The following RBFOX1 variants were observed in gnomAD, a reference collection of about 807,000 sequenced individuals.
RBFOX1 encodes the protein RNA binding protein fox-1 homolog 1.
Under a neutral mutation model 57.7 loss-of-function variants are expected in RBFOX1, and 8 were observed. The ratio of observed to expected loss-of-function variants is 0.14; its 90% CI spans 0.08 to 0.25. RBFOX1 has a LOEUF of 0.25. Ranked by LOEUF, RBFOX1 falls within the 10% of genes least tolerant of loss-of-function variation. The pLI is 1.00. For missense variants in RBFOX1, 611 were observed against 548.5 expected (o/e 1.11, Z -1.14); for synonymous variants, 326 against 222.4 (o/e 1.47, Z -4.15).
At chr16:7,651,235 G>C (rs2064995645) in intron 11 of RBFOX1, among the ~76,000 whole-genome samples, 1 of 152,182 alleles carries the variant, frequency 6.6e-6, no homozygotes, top group South Asian at 2.1e-4. Flanking sequence ...CAGAATTCCA[G>C]ATAATAGCCA....
chr16:7,104,761 T>C (rs1430325812), intron 4 of RBFOX1, among the ~76,000 whole-genome samples: 2 of 152,160 alleles, frequency 1.3e-5, no homozygotes, highest in African/African-American at 2.4e-5. Context: ...TCATCCTTTC[T>C]TGAGTATTGC....
intron 2 of RBFOX1, among the ~76,000 whole-genome samples, chr16:6,579,024 T>A (rs552947005): frequency 3.3e-5 from 5 of 152,202 alleles, no homozygotes; most frequent in African/African-American, 1.2e-4. Flanking sequence ...ACCACCTGTT[T>A]TCCCAAAACC....
chr16:6,929,653 A>T (rs924161818), intron 3 of RBFOX1, among the ~76,000 whole-genome samples: 3 of 152,174 alleles, frequency 2.0e-5, no homozygotes, highest in Admixed American at 6.5e-5. Flanking sequence ...GGATTCTCAG[A>T]GTTATATCCA....
chr16:5,897,595 C>G (rs777502125), intron 4 of RBFOX1, among the ~76,000 whole-genome samples: 81 of 152,124 alleles, frequency 5.3e-4, no homozygotes, highest in Admixed American at 1.1e-3. Flanking sequence ...TCTGTGTTAG[C>G]AGGATGTGGT....
intron 4 of RBFOX1, among the ~76,000 whole-genome samples, chr16:7,480,326 T>A (rs143750217): frequency 1.3e-5 from 2 of 152,220 alleles, no homozygotes; most frequent in Non-Finnish European, 2.9e-5. Context: ...AGTTTCCCTC[T>A]CTTTCAACCT....
intron 3 of RBFOX1, among the ~76,000 whole-genome samples, chr16:5,674,766 C>G (rs144894032): frequency 1.2e-4 from 18 of 152,310 alleles, no homozygotes; most frequent in Middle Eastern, 6.8e-3. Context: ...AGATGAGCCA[C>G]TTTTCCTTCC....
intron 4 of RBFOX1, among the ~76,000 whole-genome samples, chr16:6,001,052 G>A (rs1426039945): frequency 6.6e-6 from 1 of 152,104 alleles, no homozygotes; most frequent in African/African-American, 2.4e-5. Flanking sequence ...TGGATGGGTA[G>A]GTGGGTTGAT....
chr16:6,825,193 G>T (rs7188969), intron 3 of RBFOX1, among the ~76,000 whole-genome samples: 25 of 148,814 alleles, frequency 1.7e-4, no homozygotes, highest in East Asian at 8.0e-4. Context: ...CTTGTGGGGG[G>T]GCTGACGTGT....
chr16:7,142,011 CTTCCTTCTTCCTTCTTT>C, intron 4 of RBFOX1, among the ~76,000 whole-genome samples: 1 of 148,264 alleles, frequency 6.7e-6, no homozygotes, highest in Non-Finnish European at 1.5e-5. Context: ...CCTCCTTCTT[CTTCCTTCTTCCTTCTTT>C]CTTCTTTTTA....
At chr16:7,131,972 T>A (rs1364219013) in intron 4 of RBFOX1, among the ~76,000 whole-genome samples, 1 of 150,934 alleles carries the variant, frequency 6.6e-6, no homozygotes, top group African/African-American at 2.4e-5. Context: ...TAAAAAACAT[T>A]GATGACTAGA....
intron 2 of RBFOX1, among the ~76,000 whole-genome samples, chr16:6,575,765 G>A (rs903017979): frequency 1.3e-5 from 2 of 151,602 alleles, no homozygotes; most frequent in African/African-American, 2.4e-5. Context: ...GCTGAGGCAG[G>A]AGAATCGCTT....
chr16:6,816,680 C>A (rs1439075428), intron 3 of RBFOX1, among the ~76,000 whole-genome samples: 4 of 146,920 alleles, frequency 2.7e-5, no homozygotes, highest in Non-Finnish European at 3.0e-5. Context: ...GTGGAGCTTG[C>A]AGTGAGCTGA....
intron 4 of RBFOX1, among the ~76,000 whole-genome samples, chr16:7,332,597 G>A (rs1038819145): frequency 2.0e-5 from 3 of 151,814 alleles, no homozygotes; most frequent in African/African-American, 7.3e-5. Flanking sequence ...TGCTCTTTTG[G>A]CCAAATTCAG....
At chr16:5,690,405 G>T (rs994142058) in intron 3 of RBFOX1, among the ~76,000 whole-genome samples, 2 of 152,142 alleles carry the variant, frequency 1.3e-5, no homozygotes, top group East Asian at 3.9e-4. Flanking sequence ...GGGGCTCAGT[G>T]AATCTGTTTA....
chr16:5,284,435 G>T (rs1485794584), intron 1 of RBFOX1, among the ~76,000 whole-genome samples: 1 of 151,666 alleles, frequency 6.6e-6, no homozygotes, highest in African/African-American at 2.4e-5. Flanking sequence ...GGTAGATATT[G>T]TTCTTTTGCT....
intron 4 of RBFOX1, among the ~76,000 whole-genome samples, chr16:7,264,579 GATAACAT>G (rs1358638023): frequency 3.3e-5 from 5 of 152,162 alleles, no homozygotes; most frequent in Non-Finnish European, 7.3e-5. Flanking sequence ...GCCACAGATA[GATAACAT>G]GCAAAGAAAT....
intron 3 of RBFOX1, among the ~76,000 whole-genome samples, chr16:7,042,560 T>C (rs1339081966): frequency 2.0e-5 from 3 of 152,242 alleles, no homozygotes; most frequent in Admixed American, 6.5e-5. Flanking sequence ...AGGAACTGTT[T>C]AGCACATTTT....
At chr16:5,904,204 C>G (rs1461004246) in intron 4 of RBFOX1, among the ~76,000 whole-genome samples, 1 of 152,122 alleles carries the variant, frequency 6.6e-6, no homozygotes, top group Non-Finnish European at 1.5e-5. Flanking sequence ...CCTGCCCGCT[C>G]ATCTCGGCAA....
chr16:6,884,186 G>C (rs1057169373), intron 3 of RBFOX1, among the ~76,000 whole-genome samples: 1 of 152,186 alleles, frequency 6.6e-6, no homozygotes, highest in African/African-American at 2.4e-5. Flanking sequence ...TCTGCTCACA[G>C]GGCATGCTTC....
Sources: gnomAD v4.1 joint callset for allele counts (sites outside exome capture counted in the v4.1 genomes callset) on GRCh38, gnomAD v4.1.1 for gene constraint, MANE v1.5 for transcripts, NCBI Gene and HGNC (gene_info 2026-07-23, HGNC 2026-07-21) for gene names.